Variants in TMF1 observed in about 807,000 individuals in gnomAD.
The protein encoded by TMF1 is TATA element modulatory factor.
A neutral mutation model predicts 126.5 loss-of-function variants in TMF1; 71 were observed. The ratio of observed to expected loss-of-function variants is 0.56; its 90% CI spans 0.46 to 0.68. The LOEUF is 0.68. TMF1 is among the 30% of genes least tolerant of loss of function. The pLI is 0.00. For synonymous variants in TMF1, 461 were observed against 430.5 expected (o/e 1.07, Z -0.88); for missense variants, 1,259 against 1,253.2 (o/e 1.00, Z -0.07).
chr3:69,029,286 A>C (rs368647187), intron 11 of TMF1, among the ~76,000 whole-genome samples: 31 of 151,870 alleles, frequency 2.0e-4, no homozygotes, highest in East Asian at 7.8e-4. Flanking sequence ...CACCTGCCTC[A>C]GCCTCCCAAA....
At chr3:69,047,121 T>C (rs2091899686) in intron 2 of TMF1, among the ~76,000 whole-genome samples, 1 of 152,220 alleles carries the variant, frequency 6.6e-6, no homozygotes, top group Non-Finnish European at 1.5e-5. Context: ...AGATGAAAAC[T>C]TTCATGCTTA....
rs201147126 is a variant in TMF1, at chr3:69,048,067, G to A, written c.638C>T (p.Thr213Met). Residue 213 changes from threonine (T) to methionine (M), a missense_variant, in exon 2 of 17, where the codon ACG becomes ATG. Thr to Met is a moderately conservative substitution (Grantham distance 81). Coordinates refer to ENST00000398559, the MANE Select transcript of TMF1 (RefSeq NM_007114.3). ...VKTTMESISNTSTQSLTAETK... is the reference protein window; with the variant it reads ...VKTTMESISNMSTQSLTAETK... ...TTCTGCTGTGAGAGACTGCGTAGAC[G>A]TATTAGATATACTTTCCATAGTTGT... 2.0e-5 allele frequency: 32 copies of A among 1,614,074 alleles called. No homozygotes were observed. In the Admixed American group the frequency reaches 3.3e-4, roughly 17 times the overall value.
intron 1 of TMF1, among the ~76,000 whole-genome samples, chr3:69,050,934 C>A (rs1193785775): frequency 6.6e-6 from 1 of 152,182 alleles, no homozygotes; most frequent in African/African-American, 2.4e-5. Flanking sequence ...TCAAAAGCAA[C>A]TGAATGAAGA....
chr3:69,048,434 C>T lies in TMF1; in HGVS notation c.271G>A (p.Asp91Asn), dbSNP rs771029555. 9 of 1,613,982 alleles carry T rather than the reference C, an allele frequency of 5.6e-6. No individual in the cohort carries two copies. Among genetic ancestry groups the T allele is most frequent in the Admixed American group, 5.0e-5 (3 of 59,984 alleles). ...ITKPVRRTVV[D>N]ESENFFSAFL... ...GCACTGAAGAAATTTTCAGATTCAT[C>T]GACCACAGTCCTCCGAACTGGCTTT... is the stretch of plus-strand genomic sequence containing the variant. The change falls in exon 2 of 17, where the codon GAT (aspartate) becomes AAT (asparagine). Residue 91 changes from aspartate to asparagine, a missense_variant. By Grantham distance (23) the Asp-to-Asn change is conservative. Coordinates refer to ENST00000398559, the MANE Select transcript of TMF1 (RefSeq NM_007114.3).
chr3:69,047,259 C>A, intron 2 of TMF1, 99 bp downstream of exon 2: 2 of 1,353,220 alleles, frequency 1.5e-6, no homozygotes, highest in Non-Finnish European at 2.0e-6. Flanking sequence ...GTTTTTAAAT[C>A]TGTATAAATT....
chr3:69,052,214 A>T lies in TMF1; in HGVS notation c.-128T>A. The T allele has an allele frequency of 9.4e-7, 1 of 1,066,992 alleles. No individual in the cohort carries two copies. The highest frequency in any genetic ancestry group is 2.9e-5 in the East Asian group (1 of 34,988). 66.1% of individuals were successfully genotyped at this position (1,066,992 alleles called of 1,614,324 possible). ...CTGGTTCTGTCAGCGTGTGGCCATT[A>T]CCCCGACAGCCTCCCGCGAGCCCGG... On this transcript the variant is annotated 5_prime_UTR_variant, in exon 1 of 17. The change abolishes the stop of an existing upstream ORF in the 5' untranslated region. Coordinates refer to ENST00000398559, the MANE Select transcript of TMF1 (RefSeq NM_007114.3).
chr3:69,035,908 T>C (rs2091828725), intron 8 of TMF1, among the ~76,000 whole-genome samples: 1 of 152,126 alleles, frequency 6.6e-6, no homozygotes, highest in Non-Finnish European at 1.5e-5. Context: ...GATGGATTTA[T>C]GCATGGTAAC....
intron 2 of TMF1, among the ~76,000 whole-genome samples, chr3:69,046,471 C>A (rs2091896830): frequency 6.6e-6 from 1 of 152,132 alleles, no homozygotes; most frequent in Non-Finnish European, 1.5e-5. Flanking sequence ...TATTGCACAG[C>A]ATTTTGTTTG....
In TMF1 at chr3:69,038,517, T is replaced by A. The variant is rs753836179; in HGVS notation, c.2151+47A>T. 5 of 1,586,328 alleles carry A rather than the reference T, an allele frequency of 3.2e-6. No homozygotes were observed. In the South Asian group the frequency reaches 5.7e-5, roughly 18 times the overall value. ...GCTAATTGTTTAATTTGTAGAAGCA[T>A]AAACAAATATTTTTAAAACTACTCT... On this transcript the variant is annotated intron_variant, in intron 8 of 16. Coordinates refer to ENST00000398559, the MANE Select transcript of TMF1 (RefSeq NM_007114.3).
chr3:69,044,547 A>G lies in TMF1; in HGVS notation c.1396T>C (p.Leu466=). 6.2e-7 allele frequency: 1 copy of G among 1,609,748 alleles called. No individual in the cohort carries two copies. Among genetic ancestry groups the G allele is most frequent in the Non-Finnish European group, 8.5e-7 (1 of 1,178,838 alleles). ...AGTGCTTTTTCCTTACTAAGAGATA[A>G]TAACTGAGCCTCCCTTTTTTCCAGC... ...EKLEKREAQL[L]SLSKEKALLE... is the part of the protein sequence containing the mutation. Residue 466 remains leucine (L), a synonymous_variant, in exon 3 of 17, where the codon TTA becomes CTA. Transcript: ENST00000398559.
intron 13 of TMF1, among the ~76,000 whole-genome samples, chr3:69,027,645 C>A (rs1043392945): frequency 1.4e-5 from 2 of 148,084 alleles, no homozygotes; most frequent in African/African-American, 5.0e-5. Context: ...TGTCTTGGGC[C>A]ACACATAAAA....
Position 69,039,636 on chromosome 3 carries a change from G to A in TMF1, c.1742C>T (p.Ala581Val), listed in dbSNP as rs2107464471. 6.2e-7 allele frequency: 1 copy of A among 1,613,430 alleles called. No homozygotes were observed. Among genetic ancestry groups the A allele is most frequent in the Non-Finnish European group, 8.5e-7 (1 of 1,179,824 alleles). Reference protein sequence around the residue: ...HNSNIIKKLRAKDKENENMVA... With the variant: ...HNSNIIKKLRVKDKENENMVA... The stretch of plus-strand genomic sequence containing the variant: ...CATATTTTCATTCTCCTTGTCTTTA[G>A]CTCTTAATTTCTTGATGATGTTAGA... Residue 581 changes from alanine to valine, a missense_variant, in exon 6 of 17, where the codon GCT becomes GTT. By Grantham distance (64) the Ala-to-Val change is moderately conservative. Coordinates refer to ENST00000398559, the MANE Select transcript of TMF1 (RefSeq NM_007114.3).
intron 15 of TMF1, chr3:69,024,866 T>C (rs1173631354): frequency 7.0e-6 from 1 of 142,362 alleles, no homozygotes; most frequent in Non-Finnish European, 1.5e-5. Context: ...TGGTTGAGCA[T>C]CCCAAATCTG....
rs1470952615 is a variant in TMF1 at position 69,052,287 on chromosome 3, T to C, written c.-201A>G. 6.2e-6 allele frequency: 3 copies of C among 480,364 alleles called. No homozygotes were observed. The highest frequency in any genetic ancestry group is 4.0e-5 in the Admixed American group (1 of 25,040). 29.8% of individuals were successfully genotyped at this position (480,364 alleles called of 1,614,324 possible). On this transcript the variant is annotated 5_prime_UTR_variant, in exon 1 of 17. It removes an upstream start codon present in the reference 5' UTR. Transcript: ENST00000398559. The stretch of plus-strand genomic sequence containing the variant: ...GCACAGCTGAGACGAAGGGGGCCCA[T>C]GTGCGCATGCGCTTGCTTCTTCCAC...
intron 10 of TMF1, among the ~76,000 whole-genome samples, chr3:69,031,643 G>GA (rs1347326174): frequency 1.3e-5 from 2 of 151,962 alleles, no homozygotes; most frequent in Non-Finnish European, 2.9e-5. Flanking sequence ...ATTTTCAATT[G>GA]AAAAAAAGAG....
chr3:69,026,134 G>A, intron 13 of TMF1, 37 bp from the exon 14 acceptor site: 1 of 1,368,302 alleles, frequency 7.3e-7, no homozygotes, highest in South Asian at 1.2e-5. Context: ...ATATTAAAGA[G>A]CAAAGAGATA....
At position 69,021,330 on chromosome 3, in the gene TMF1, G is replaced by A. The variant is rs1269751272; in HGVS notation, c.*1847C>T. The stretch of plus-strand genomic sequence containing the variant: ...TGGAACGTATGTCCCATGGGTAAGA[G>A]GGAACTACTATATTTTCTAATTCTA... On this transcript the variant is annotated 3_prime_UTR_variant, in exon 17 of 17. Coordinates refer to ENST00000398559, the MANE Select transcript of TMF1 (RefSeq NM_007114.3). 6.6e-6 allele frequency: 1 copy of A among 152,560 alleles called. No individual in the cohort carries two copies. Among genetic ancestry groups the A allele is most frequent in the Non-Finnish European group, 1.5e-5 (1 of 68,042 alleles). 9.5% of individuals were successfully genotyped at this position (152,560 alleles called of 1,614,324 possible). A position where few individuals can be genotyped will look rare whatever the true frequency, so the allele number is the denominator to read the frequency against.
chr3:69,035,164 T>G (rs2091825433), intron 8 of TMF1, 49 bp from the exon 9 acceptor site: 1 of 1,444,458 alleles, frequency 6.9e-7, no homozygotes, highest in East Asian at 2.3e-5. Context: ...CAGTATTATC[T>G]ATAACTTCCC....
chr3:69,050,244 A>G (rs1179540940), intron 1 of TMF1, among the ~76,000 whole-genome samples: 1 of 150,340 alleles, frequency 6.7e-6, no homozygotes, highest in Non-Finnish European at 1.5e-5. Flanking sequence ...TGGATGACAG[A>G]GTGAGACTGT....
Sources: gnomAD v4.1 joint callset for allele counts (sites outside exome capture counted in the v4.1 genomes callset) on GRCh38, gnomAD v4.1.1 for gene constraint, MANE v1.5 for transcripts, NCBI Gene and HGNC (gene_info 2026-07-23, HGNC 2026-07-21) for gene names.